Variants in TCF25 observed in about 807,000 individuals in gnomAD.
The protein encoded by TCF25 is TCF25 ribosome quality control complex subunit.
A neutral mutation model predicts 83.1 loss-of-function variants in TCF25; 41 were observed. That is an observed-to-expected ratio of 0.49 (90% CI 0.38 to 0.64). The LOEUF is 0.64. Among genes scored for constraint, TCF25 ranks in the 30% least tolerant of loss-of-function variants. The probability of loss-of-function intolerance (pLI) is 0.00; values close to 1 mark genes in which losing one functional copy is unlikely to be tolerated. For synonymous variants in TCF25, 458 were observed against 365.0 expected, an observed-to-expected ratio of 1.25 and a Z score of -2.90; for missense variants, 979 against 914.5, an observed-to-expected ratio of 1.07 and a Z score of -0.91.
At position 89,900,694 on chromosome 16, in the gene TCF25, C is replaced by A. The variant is rs1417274251; in HGVS notation, c.1281C>A (p.Phe427Leu). Residue 427 changes from phenylalanine to leucine, a missense_variant, in exon 12 of 18, where the codon TTC becomes TTA. By Grantham distance (22) the Phe-to-Leu change is conservative. Transcript: ENST00000263346. ...NFAFSVPLAY[F>L]LLSQQTDLPE... ...CCTTCTCTGTTCCACTGGCGTATTT[C>A]CTGCTGAGCCAGCAGACAGACCTCC... 6.2e-7 allele frequency: 1 copy of A among 1,605,782 alleles called. No individual in the cohort carries two copies.
chr16:89,906,178 T>G lies in TCF25; in HGVS notation c.1629-16T>G. 6.2e-7 allele frequency: 1 copy of G among 1,611,484 alleles called. No individual in the cohort carries two copies. The highest frequency in any genetic ancestry group is 1.3e-5 in the African/African-American group (1 of 75,026). On this transcript the variant is annotated splice_polypyrimidine_tract_variant and intron_variant, in intron 14 of 17. Transcript: ENST00000263346. ...CTGTGCTTTATCTGCTGTGCCTTGT[T>G]TCTCCCCGGCCCTAGGCGGAAGGTG...
In TCF25 at chr16:89,883,487, A is replaced by T. The variant is rs2042756650; in HGVS notation, c.329A>T (p.Asp110Val). 1 of 1,610,148 alleles carries T rather than the reference A, an allele frequency of 6.2e-7. No homozygotes were observed. The highest frequency in any genetic ancestry group is 2.2e-5 in the East Asian group (1 of 44,792). The change falls in exon 2 of 18, where the codon GAC becomes GTC. Residue 110 changes from aspartate to valine, a missense_variant. Asp to Val is a radical substitution (Grantham distance 152). Transcript: ENST00000263346. ...ACAGAGAGCAAGACGGATGGAGATG[A>T]CACCGAGACAGTGCCCTCAGAGCAG... ...GNTESKTDGD[D>V]TETVPSEQSH...
intron 1 of TCF25, among the ~76,000 whole-genome samples, chr16:89,877,694 C>T (rs1322883266): frequency 6.6e-6 from 1 of 152,042 alleles, no homozygotes; most frequent in East Asian, 1.9e-4. Flanking sequence ...ATCGGTGAGA[C>T]CGAAACTTGG....
chr16:89,909,219 A>G, intron 16 of TCF25: 1 of 1,175,816 alleles, frequency 8.5e-7, no homozygotes, highest in South Asian at 1.4e-5. Flanking sequence ...CTAAAAATAC[A>G]AAACTTAGCC....
At chr16:89,878,727 G>C in intron 1 of TCF25, 2 of 901,136 alleles carry the variant, frequency 2.2e-6, no homozygotes, top group Non-Finnish European at 2.7e-6. Context: ...TGCAAGCTCT[G>C]CCTCCTGGAT....
In TCF25 at chr16:89,894,266, G is replaced by T. The variant is rs546078589; in HGVS notation, c.828+408G>T. Among the ~76,000 whole-genome samples the T allele has an allele frequency of 4.0e-5, 6 of 151,026 alleles. No individual in the cohort carries two copies. In the South Asian group the frequency reaches 8.4e-4, roughly 21 times the overall value. On this transcript the variant is annotated intron_variant, in intron 7 of 17. Transcript: ENST00000263346. ...CACGGCCCCGGACGGCCCCCGCGCAGCCCCAGACAGCCCCGGACCTGGACA... is the reference window on the plus strand; with the variant it reads ...CACGGCCCCGGACGGCCCCCGCGCATCCCCAGACAGCCCCGGACCTGGACA...
intron 5 of TCF25, among the ~76,000 whole-genome samples, chr16:89,888,757 A>C (rs113514391): frequency 0.043 from 6,130 of 142,386 alleles, 470 homozygotes; most frequent in African/African-American, 0.15. Context: ...GCTCACTGCA[A>C]CCTCCGCCTC....
chr16:89,892,878 C>T (rs920429059), intron 6 of TCF25, among the ~76,000 whole-genome samples: 3 of 152,166 alleles, frequency 2.0e-5, no homozygotes, highest in African/African-American at 7.2e-5. Context: ...GTGTGGTGCC[C>T]TTGGTGATCG....
intron 1 of TCF25, 86 bp downstream of exon 1, chr16:89,873,945 G>C (rs1440608775): frequency 7.0e-7 from 1 of 1,419,092 alleles, no homozygotes; most frequent in South Asian, 1.4e-5. Flanking sequence ...CGGGGAGCGG[G>C]GTTGTGATGC....
intron 1 of TCF25, among the ~76,000 whole-genome samples, chr16:89,875,351 T>G (rs558433413): frequency 6.6e-6 from 1 of 152,236 alleles, no homozygotes; most frequent in African/African-American, 2.4e-5. Flanking sequence ...GTCTTTTTGC[T>G]CGTGGAAGCT....
chr16:89,909,511 A>G (rs994754713), intron 16 of TCF25: 8 of 102,708 alleles, frequency 7.8e-5, no homozygotes, highest in Admixed American at 3.9e-4. Context: ...CTCCGTCTCA[A>G]AAAAAAAAAA....
intron 1 of TCF25, among the ~76,000 whole-genome samples, chr16:89,876,653 G>T (rs1479102579): frequency 6.6e-6 from 1 of 151,956 alleles, no homozygotes; most frequent in East Asian, 1.9e-4. Flanking sequence ...TGGGCCAGGC[G>T]TGGTGGCACA....
At position 89,900,778 on chromosome 16, in the gene TCF25, C is replaced by T; in HGVS notation, c.1365C>T (p.Leu455=). 1.3e-6 allele frequency: 2 copies of T among 1,581,056 alleles called. No homozygotes were observed. Among genetic ancestry groups the T allele is most frequent in the Admixed American group, 1.7e-5 (1 of 59,520 alleles). Residue 455 remains leucine (L), a synonymous_variant, in exon 12 of 18, where the codon CTC becomes CTT. Transcript: ENST00000263346. ...QKASLLIQQA[L]TMFPGVLLPL... ...CCTCTCTCCTGATACAGCAGGCGCT[C>T]ACCATGTTCCCTGGAGGTGAGTGAG... is the stretch of plus-strand genomic sequence containing the variant.
intron 12 of TCF25, among the ~76,000 whole-genome samples, chr16:89,902,686 C>G (rs2144230822): frequency 7.8e-6 from 1 of 128,266 alleles, no homozygotes; most frequent in South Asian, 2.4e-4. Flanking sequence ...GAGACTCCGT[C>G]TCAAAAAAAA....
intron 5 of TCF25, chr16:89,889,108 G>A (rs970892690): frequency 3.5e-5 from 10 of 283,986 alleles, no homozygotes; most frequent in Admixed American, 4.9e-5. Context: ...AAGAGCAGGG[G>A]GGGTGTCTGC....
chr16:89,904,992 T>A lies in TCF25; in HGVS notation c.1524T>A (p.Phe508Leu). The change falls in exon 14 of 18, where the codon TTT becomes TTA. Residue 508 changes from phenylalanine (F) to leucine (L), a missense_variant. Transcript: ENST00000263346. ...ACCTGTACCTTGGGAGGTCACACTT[T>A]CTCTGGAAAGAGCCCGCCACCATGA... ...LVNLYLGRSH[F>L]LWKEPATMSW... 6.2e-7 allele frequency: 1 copy of A among 1,607,752 alleles called. No individual in the cohort carries two copies. Among genetic ancestry groups the A allele is most frequent in the Non-Finnish European group, 8.5e-7 (1 of 1,177,508 alleles).
At chr16:89,905,233 C>G in intron 14 of TCF25, 137 bp downstream of exon 14, 1 of 1,259,596 alleles carries the variant, frequency 7.9e-7, no homozygotes, top group Non-Finnish European at 1.1e-6. Context: ...CTGTGTGGAG[C>G]CTACAAGACA....
At chr16:89,908,512 CACCT>C (rs2144325728) in intron 16 of TCF25, among the ~76,000 whole-genome samples, 1 of 149,902 alleles carries the variant, frequency 6.7e-6, no homozygotes, top group Non-Finnish European at 1.5e-5. Context: ...TCCCACCTCC[CACCT>C]TCCAGCTCCC....
intron 3 of TCF25, among the ~76,000 whole-genome samples, 200 bp from the exon 4 acceptor site, chr16:89,885,648 C>G (rs1288669440): frequency 6.6e-6 from 1 of 152,134 alleles, no homozygotes; most frequent in Admixed American, 6.6e-5. Flanking sequence ...TTCTGTGATT[C>G]TGTCTATGCT....
Sources: allele counts gnomAD v4.1 joint callset (sites outside exome capture counted in the v4.1 genomes callset), GRCh38; gene constraint gnomAD v4.1.1; transcripts MANE v1.5; gene names NCBI Gene and HGNC (gene_info 2026-07-23, HGNC 2026-07-21).